Variants in SLC4A5 observed in about 807,000 individuals in gnomAD.
The protein encoded by SLC4A5 is electrogenic sodium bicarbonate cotransporter 4.
SLC4A5 carries 96 observed loss-of-function variants against 120.4 expected under a neutral mutation model. That is an observed-to-expected ratio of 0.80 (90% CI 0.68 to 0.94). The LOEUF (loss-of-function observed/expected upper bound fraction) is 0.94, where lower values mean the gene tolerates loss of function less well. SLC4A5 is among the 40% of genes least tolerant of loss of function. The pLI, the probability that SLC4A5 is intolerant of heterozygous loss-of-function variation, is 0.00. For synonymous variants in SLC4A5, 550 were observed against 571.1 expected (o/e 0.96, Z 0.53); for missense variants, 1,259 against 1,459.5 (o/e 0.86, Z 2.24).
At chr2:74,295,849 C>A (rs1245559797) in intron 7 of SLC4A5, among the ~76,000 whole-genome samples, 4 of 152,148 alleles carry the variant, frequency 2.6e-5, no homozygotes, top group Non-Finnish European at 5.9e-5. Flanking sequence ...AGGTGAAGCA[C>A]TGTGAGACTG....
chr2:74,310,623 A>C (rs901222542), intron 6 of SLC4A5, among the ~76,000 whole-genome samples: 20 of 152,158 alleles, frequency 1.3e-4, no homozygotes, highest in African/African-American at 4.8e-4. Context: ...TTGAATACTA[A>C]ACCAGCCTTA....
intron 5 of SLC4A5, among the ~76,000 whole-genome samples, chr2:74,316,356 A>T (rs1002942138): frequency 2.0e-5 from 3 of 149,838 alleles, no homozygotes; most frequent in Non-Finnish European, 4.5e-5. Flanking sequence ...AAAGAGTTGT[A>T]AACTAAAAAT....
Position 74,313,913 on chromosome 2 carries a change from G to A in SLC4A5, c.79+1032C>T, listed in dbSNP as rs183548150. On this transcript the variant is annotated intron_variant, in intron 6 of 30. Coordinates refer to ENST00000394019, the Ensembl canonical transcript of SLC4A5. Reference sequence around the variant, plus strand: ...GAGGCAGCTGCCCTAGGTGCTCCCTGGCTTGTCCTTTACTTGATCTGTGGC... The same window carrying A: ...GAGGCAGCTGCCCTAGGTGCTCCCTAGCTTGTCCTTTACTTGATCTGTGGC... 7.2e-5 allele frequency among the ~76,000 whole-genome samples: 11 copies of A among 152,242 alleles called. No individual in the cohort carries two copies. In the East Asian group the frequency reaches 2.1e-3, roughly 29 times the overall value.
At chr2:74,228,003 A>G in intron 25 of SLC4A5, 125 bp from the exon 26 acceptor site, 1 of 669,752 alleles carries the variant, frequency 1.5e-6, no homozygotes, top group South Asian at 2.0e-5. Context: ...GGGAACAGAG[A>G]GTCAGCAGAA....
chr2:74,285,143 G>C (rs1487849452), intron 8 of SLC4A5, among the ~76,000 whole-genome samples: 2 of 152,198 alleles, frequency 1.3e-5, no homozygotes, highest in African/African-American at 4.8e-5. Flanking sequence ...TACTTGGGAG[G>C]CTGAAGCGGG....
At chr2:74,304,898 G>T (rs920364861) in intron 6 of SLC4A5, among the ~76,000 whole-genome samples, 1 of 152,128 alleles carries the variant, frequency 6.6e-6, no homozygotes, top group Non-Finnish European at 1.5e-5. Context: ...GCTATAATTA[G>T]AATTCTGTTA....
intron 6 of SLC4A5, among the ~76,000 whole-genome samples, 192 bp from the exon 7 acceptor site, chr2:74,304,872 A>G (rs1573082590): frequency 1.3e-5 from 2 of 152,192 alleles, no homozygotes; most frequent in East Asian, 3.8e-4. Flanking sequence ...CAGTTGCTGG[A>G]GGGAATACCC....
chr2:74,229,605 T>C lies in SLC4A5; in HGVS notation c.2847+1631A>G, dbSNP rs185375906. Among the ~76,000 whole-genome samples the C allele has an allele frequency of 3.9e-3, 599 of 152,256 alleles. 6 individuals are homozygous for C. Among genetic ancestry groups the C allele is most frequent in the African/African-American group, 0.013 (551 of 41,554 alleles). ...ACTTGTATGTTAAACAGTGTCAAAA[T>C]TGACATACACAATGGCACCTTAGAA... is the stretch of plus-strand genomic sequence containing the variant. On this transcript the variant is annotated intron_variant, in intron 25 of 30. Transcript: ENST00000394019.
chr2:74,333,744 G>A (rs988354836), intron 4 of SLC4A5, among the ~76,000 whole-genome samples: 2 of 152,254 alleles, frequency 1.3e-5, no homozygotes, highest in East Asian at 3.9e-4. Flanking sequence ...GATACCTGGT[G>A]GACAGTGATG....
At chr2:74,246,919 T>C in intron 19 of SLC4A5, 117 bp downstream of exon 19, 1 of 1,341,450 alleles carries the variant, frequency 7.5e-7, no homozygotes, top group South Asian at 1.3e-5. Context: ...CTCTTGGAAC[T>C]GTAAGCCCTT....
At chr2:74,277,861 C>A (rs150421511) in intron 8 of SLC4A5, among the ~76,000 whole-genome samples, 1 of 151,898 alleles carries the variant, frequency 6.6e-6, no homozygotes, top group Non-Finnish European at 1.5e-5. Context: ...AAGATGTGTA[C>A]TGAAATGTTT....
intron 22 of SLC4A5, among the ~76,000 whole-genome samples, chr2:74,234,340 G>A (rs190956687): frequency 5.9e-4 from 89 of 152,016 alleles, no homozygotes; most frequent in Non-Finnish European, 9.9e-4. Context: ...CACCACGCCC[G>A]GCTAATTTTT....
chr2:74,231,226 A>C lies in SLC4A5; in HGVS notation c.2847+10T>G. ...GCAACGAGGCCCTAGGTGACAGTGC[A>C]GGACCTCACCTTTAGGATGGGAGCC... On this transcript the variant is annotated intron_variant, in intron 25 of 30. Transcript: ENST00000394019. The C allele has an allele frequency of 6.2e-7, 1 of 1,610,278 alleles. No individual in the cohort carries two copies. The highest frequency in any genetic ancestry group is 8.5e-7 in the Non-Finnish European group (1 of 1,177,998).
intron 6 of SLC4A5, among the ~76,000 whole-genome samples, chr2:74,310,617 A>C (rs1342394291): frequency 6.6e-6 from 1 of 152,136 alleles, no homozygotes; most frequent in Non-Finnish European, 1.5e-5. Context: ...TGACTTTTGA[A>C]TACTAAACCA....
chr2:74,337,459 A>AT (rs1673520057), intron 3 of SLC4A5, among the ~76,000 whole-genome samples: 2 of 152,224 alleles, frequency 1.3e-5, no homozygotes, highest in African/African-American at 2.4e-5. Flanking sequence ...ACTGACTGGG[A>AT]TTAAGGGTCA....
At chr2:74,316,994 C>A (rs1191019805) in intron 5 of SLC4A5, among the ~76,000 whole-genome samples, 1 of 152,210 alleles carries the variant, frequency 6.6e-6, no homozygotes, top group Non-Finnish European at 1.5e-5. Context: ...TGAACATGGG[C>A]ATGCGTAATA....
At chr2:74,296,343 TCTC>T (rs1450995868) in intron 7 of SLC4A5, among the ~76,000 whole-genome samples, 1 of 152,080 alleles carries the variant, frequency 6.6e-6, no homozygotes, top group Non-Finnish European at 1.5e-5. Context: ...CTTTATCCTT[TCTC>T]CTTTTTCTTC....
chr2:74,277,301 G>A (rs111299649), intron 8 of SLC4A5, among the ~76,000 whole-genome samples: 8 of 152,320 alleles, frequency 5.3e-5, no homozygotes, highest in South Asian at 2.1e-4. Context: ...TGTAATCCCA[G>A]CACTTTGGGA....
At chr2:74,235,259 C>T in intron 21 of SLC4A5, 45 bp from the exon 22 acceptor site, 1 of 1,485,408 alleles carries the variant, frequency 6.7e-7, no homozygotes, top group Non-Finnish European at 9.3e-7. Context: ...GTAAAGCACC[C>T]ACCCAGCTCC....
Sources: allele counts gnomAD v4.1 joint callset (sites outside exome capture counted in the v4.1 genomes callset), GRCh38; gene constraint gnomAD v4.1.1; transcripts MANE v1.5; gene names NCBI Gene and HGNC (gene_info 2026-07-23, HGNC 2026-07-21).